Variants in CADPS observed in about 807,000 individuals in gnomAD.
CADPS encodes calcium-dependent secretion activator 1.
In CADPS, 57 loss-of-function variants were observed where a neutral mutation model predicts 167.3. That is an observed-to-expected ratio of 0.34 (90% CI 0.28 to 0.42). The LOEUF (loss-of-function observed/expected upper bound fraction) is 0.42, where lower values mean the gene tolerates loss of function less well. Among genes scored for constraint, CADPS ranks in the 20% least tolerant of loss-of-function variants. CADPS has a pLI of 1.00. For missense variants in CADPS, 1,414 were observed against 1,738.1 expected (o/e 0.81, Z 3.32); for synonymous variants, 676 against 635.3 (o/e 1.06, Z -0.96).
chr3:62,416,060 C>CA (rs889946654), intron 28 of CADPS, among the ~76,000 whole-genome samples: 5 of 152,196 alleles, frequency 3.3e-5, no homozygotes, highest in Admixed American at 3.3e-4. Context: ...TTTTCTAGGT[C>CA]AGAGCTTCCT....
rs747928683 is a variant in CADPS at position 62,874,548 on chromosome 3, A to G, written c.441+41T>C. 2.7e-6 allele frequency: 4 copies of G among 1,461,418 alleles called. No individual in the cohort carries two copies. Among genetic ancestry groups the G allele is most frequent in the South Asian group, 2.5e-5 (2 of 81,068 alleles). 90.5% of individuals were successfully genotyped at this position (1,461,418 alleles called of 1,614,324 possible). On this transcript the variant is annotated intron_variant, in intron 1 of 29. Transcript: ENST00000383710. This position sits in a 1 kb window ranked among gnomAD's most constrained non-coding sequence, Gnocchi z 7.1. ...CATTGTTCACCCCGCCCGCCTGGCGACGTCCGGGTGCTGCTCCCTGGGCCT... is the reference window on the plus strand; with the variant it reads ...CATTGTTCACCCCGCCCGCCTGGCGGCGTCCGGGTGCTGCTCCCTGGGCCT...
At position 62,514,156 on chromosome 3, in the gene CADPS, G is replaced by A. The variant is rs1223107082; in HGVS notation, c.2582-1388C>T. Among the ~76,000 whole-genome samples, 1 of 152,064 alleles carries A rather than the reference G, an allele frequency of 6.6e-6. No homozygotes were observed. Among genetic ancestry groups the A allele is most frequent in the African/African-American group, 2.4e-5 (1 of 41,434 alleles). On this transcript the variant is annotated intron_variant, in intron 16 of 29. Coordinates refer to ENST00000383710, the MANE Select transcript of CADPS (RefSeq NM_003716.4). The surrounding 1 kb of genome is among the most constrained non-coding windows in gnomAD (Gnocchi z 4.2). ...TTAATTCTCACAGAGGGGCTCAAAT[G>A]TAAAAAATGAAAGATTTCTTCTCTG...
chr3:62,657,235 T>C (rs1013117338), intron 4 of CADPS, among the ~76,000 whole-genome samples: 1 of 152,226 alleles, frequency 6.6e-6, no homozygotes, highest in African/African-American at 2.4e-5. Flanking sequence ...GGCCAGGATA[T>C]GAGCTACTAA....
chr3:62,423,627 C>T (rs369927203), intron 28 of CADPS, among the ~76,000 whole-genome samples: 133 of 152,158 alleles, frequency 8.7e-4, no homozygotes, highest in Non-Finnish European at 1.3e-3. Flanking sequence ...CTGAATTTGC[C>T]GAAGTCAGTT....
In CADPS at chr3:62,667,808, A is replaced by G. The variant is rs1949145; in HGVS notation, c.889-5414T>C. ...GACAGAATTTTGGGGGTGGGGGGAGACAGGGAGGAAGCAATCCCACTATGC... is the reference window on the plus strand; with the variant it reads ...GACAGAATTTTGGGGGTGGGGGGAGGCAGGGAGGAAGCAATCCCACTATGC... On this transcript the variant is annotated intron_variant, in intron 3 of 29. Coordinates refer to ENST00000383710, the MANE Select transcript of CADPS (RefSeq NM_003716.4). Among the ~76,000 whole-genome samples the G allele has an allele frequency of 3.0e-3, 450 of 151,910 alleles. 2 individuals carry two copies. Among genetic ancestry groups the G allele is most frequent in the African/African-American group, 0.01 (426 of 41,398 alleles).
chr3:62,407,374 T>C (rs547418004), intron 28 of CADPS, among the ~76,000 whole-genome samples: 2 of 152,340 alleles, frequency 1.3e-5, no homozygotes, highest in Admixed American at 1.3e-4. Flanking sequence ...TGGTAGATCA[T>C]CACCCAAACT....
At chr3:62,716,355 A>G (rs908900365) in intron 3 of CADPS, among the ~76,000 whole-genome samples, 24 of 152,196 alleles carry the variant, frequency 1.6e-4, no homozygotes, top group Non-Finnish European at 3.4e-4. Flanking sequence ...TGCCTGGCCT[A>G]TGATAATAAA....
At chr3:62,556,061 G>A (rs1218363156) in intron 10 of CADPS, among the ~76,000 whole-genome samples, 1 of 152,152 alleles carries the variant, frequency 6.6e-6, no homozygotes, top group Admixed American at 6.5e-5. Flanking sequence ...AAAAATAAAA[G>A]TCCTAAGGAG....
Position 62,466,426 on chromosome 3 carries a change from A to G in CADPS, c.3478-13T>C. On this transcript the variant is annotated splice_polypyrimidine_tract_variant and intron_variant, in intron 24 of 29. Coordinates refer to ENST00000383710, the MANE Select transcript of CADPS (RefSeq NM_003716.4). Reference sequence around the variant, plus strand: ...AATGGTATTGATGCTAAGAACACAGAAAGACAAATATTAGCATGTTTGGGA... The same window carrying G: ...AATGGTATTGATGCTAAGAACACAGGAAGACAAATATTAGCATGTTTGGGA... 1 of 1,551,012 alleles carries G rather than the reference A, an allele frequency of 6.4e-7. No individual in the cohort carries two copies. Among genetic ancestry groups the G allele is most frequent in the Non-Finnish European group, 8.9e-7 (1 of 1,123,562 alleles).
intron 1 of CADPS, among the ~76,000 whole-genome samples, chr3:62,843,416 G>C (rs1380538710): frequency 6.6e-6 from 1 of 152,072 alleles, no homozygotes; most frequent in East Asian, 1.9e-4. Flanking sequence ...ATTATCTTGT[G>C]TGTTTTTGTA....
intron 13 of CADPS, among the ~76,000 whole-genome samples, chr3:62,526,126 C>T (rs1021695750): frequency 6.6e-6 from 1 of 152,110 alleles, no homozygotes; most frequent in African/African-American, 2.4e-5. Context: ...GGCAGAGTAA[C>T]AGGAGAAAAG....
At chr3:62,852,795 C>G (rs1268004942) in intron 1 of CADPS, among the ~76,000 whole-genome samples, 1 of 152,094 alleles carries the variant, frequency 6.6e-6, no homozygotes, top group Non-Finnish European at 1.5e-5. Flanking sequence ...TCCTTGTTTG[C>G]TTTTTTCTTC....
intron 6 of CADPS, among the ~76,000 whole-genome samples, chr3:62,629,767 TG>T (rs764011662): frequency 1.6e-4 from 24 of 150,472 alleles, no homozygotes; most frequent in South Asian, 4.2e-4. Flanking sequence ...GTTTTTTTTT[TG>T]TTTGTTTGTT....
chr3:62,800,365 C>T (rs927687287), intron 1 of CADPS, among the ~76,000 whole-genome samples: 3 of 152,074 alleles, frequency 2.0e-5, no homozygotes, highest in Admixed American at 6.6e-5. Context: ...AGGTCATCAT[C>T]CTAAGTGAAA....
chr3:62,816,934 A>G (rs1252884130), intron 1 of CADPS, among the ~76,000 whole-genome samples: 2 of 152,158 alleles, frequency 1.3e-5, no homozygotes, highest in African/African-American at 4.8e-5. Context: ...TGTTCTAACC[A>G]GAGTTGTGAA....
intron 11 of CADPS, among the ~76,000 whole-genome samples, chr3:62,542,017 A>G (rs914220099): frequency 2.6e-5 from 4 of 152,202 alleles, no homozygotes; most frequent in African/African-American, 9.6e-5. Context: ...GATTGAAGAT[A>G]AAAGGTCAAA....
At chr3:62,407,132 T>G (rs1253586680) in intron 28 of CADPS, among the ~76,000 whole-genome samples, 1 of 148,994 alleles carries the variant, frequency 6.7e-6, no homozygotes, top group East Asian at 2.0e-4. Flanking sequence ...ACCACTGCAA[T>G]CAACATCATC....
At chr3:62,677,035 C>T (rs1016152373) in intron 3 of CADPS, among the ~76,000 whole-genome samples, 6 of 152,068 alleles carry the variant, frequency 3.9e-5, no homozygotes, top group African/African-American at 1.4e-4. Flanking sequence ...AACCAACAGG[C>T]ACTGGCAATT....
chr3:62,578,617 T>TA (rs59984256), intron 8 of CADPS, among the ~76,000 whole-genome samples: 8 of 77,886 alleles, frequency 1.0e-4, no homozygotes, highest in African/African-American at 3.2e-4. Context: ...CTCAAAAAAA[T>TA]AAAAAAAAAA....
Sources: gnomAD v4.1 joint callset for allele counts (sites outside exome capture counted in the v4.1 genomes callset) on GRCh38, gnomAD v4.1.1 for gene constraint, Gnocchi (gnomAD v3.1) non-coding constraint, MANE v1.5 for transcripts, NCBI Gene and HGNC (gene_info 2026-07-23, HGNC 2026-07-21) for gene names.